MRPS18B: variants seen among roughly 807,000 people sequenced by gnomAD.
The protein encoded by MRPS18B is mitochondrial ribosomal protein S18B.
A neutral mutation model predicts 28.4 loss-of-function variants in MRPS18B; 27 were observed. The ratio of observed to expected loss-of-function variants is 0.95; its 90% CI spans 0.70 to 1.31. The LOEUF is 1.31. MRPS18B is among the 40% of genes most tolerant of loss of function. The pLI, the probability that MRPS18B is intolerant of heterozygous loss-of-function variation, is 0.00. For synonymous variants in MRPS18B, 118 were observed against 123.7 expected (o/e 0.95, Z 0.30); for missense variants, 343 against 335.9 (o/e 1.02, Z -0.17).
At chr6:30,620,717 G>C (rs903466551) in intron 4 of MRPS18B, among the ~76,000 whole-genome samples, 4 of 152,008 alleles carry the variant, frequency 2.6e-5, no homozygotes, top group African/African-American at 7.2e-5. Flanking sequence ...CTACAGGCTT[G>C]TGCCACCAAG....
At chr6:30,621,999 AT>A (rs1165380830) in intron 4 of MRPS18B, among the ~76,000 whole-genome samples, 1 of 151,762 alleles carries the variant, frequency 6.6e-6, no homozygotes, top group Non-Finnish European at 1.5e-5. Flanking sequence ...AGAGAGAGAA[AT>A]GTTACAAATT....
At chr6:30,621,658 T>G (rs2127465624) in intron 4 of MRPS18B, among the ~76,000 whole-genome samples, 1 of 152,182 alleles carries the variant, frequency 6.6e-6, no homozygotes, top group East Asian at 1.9e-4. Flanking sequence ...TAAAAAGAGA[T>G]TATGGCCAGG....
intron 5 of MRPS18B, 30 bp downstream of exon 5, chr6:30,622,928 A>G: frequency 6.2e-7 from 1 of 1,605,498 alleles, no homozygotes; most frequent in Non-Finnish European, 8.5e-7. Context: ...ACCACCAGAG[A>G]GCTTTTCCTT....
At chr6:30,620,696 A>C (rs1761104077) in intron 4 of MRPS18B, among the ~76,000 whole-genome samples, 1 of 152,066 alleles carries the variant, frequency 6.6e-6, no homozygotes, top group African/African-American at 2.4e-5. Flanking sequence ...CAGCCTCCCA[A>C]GTAGCTGTAA....
intron 1 of MRPS18B, among the ~76,000 whole-genome samples, chr6:30,618,384 A>C (rs1326183252): frequency 6.6e-6 from 1 of 152,176 alleles, no homozygotes; most frequent in Non-Finnish European, 1.5e-5. Context: ...TCCTTGGGGA[A>C]ATTAGGGATC....
intron 5 of MRPS18B, 116 bp from the exon 6 acceptor site, chr6:30,624,767 A>G: frequency 1.8e-6 from 2 of 1,112,466 alleles, no homozygotes; most frequent in Non-Finnish European, 2.6e-6. Flanking sequence ...GGTCAGGGGA[A>G]AGGGGTCATT....
chr6:30,620,804 G>C (rs1357003949), intron 4 of MRPS18B, among the ~76,000 whole-genome samples: 2 of 151,958 alleles, frequency 1.3e-5, no homozygotes, highest in African/African-American at 2.4e-5. Context: ...TCCTGACCTT[G>C]TGACCCACCC....
intron 4 of MRPS18B, among the ~76,000 whole-genome samples, chr6:30,621,318 C>T (rs187595468): frequency 0.044 from 6,730 of 152,254 alleles, 262 homozygotes; most frequent in African/African-American, 0.11. Context: ...AGGAGAATTG[C>T]TTGAACCCGG....
intron 6 of MRPS18B, 118 bp from the exon 7 acceptor site, chr6:30,625,384 A>C (rs757771360): frequency 2.9e-6 from 3 of 1,029,440 alleles, no homozygotes; most frequent in Non-Finnish European, 4.3e-6. Flanking sequence ...AGTATACAAC[A>C]TGCATAAATG....
intron 4 of MRPS18B, among the ~76,000 whole-genome samples, chr6:30,620,988 T>G (rs896058610): frequency 3.3e-5 from 5 of 152,250 alleles, no homozygotes; most frequent in Non-Finnish European, 7.3e-5. Flanking sequence ...TCCTTGTCAA[T>G]GTTCAGTGCC....
At chr6:30,623,429 C>T (rs1761294914) in intron 5 of MRPS18B, among the ~76,000 whole-genome samples, 1 of 152,110 alleles carries the variant, frequency 6.6e-6, no homozygotes, top group Non-Finnish European at 1.5e-5. Flanking sequence ...TAATTCCTTT[C>T]TATAGGGTCT....
chr6:30,625,857 T>TGGCTTCCCAAAGTGC lies in MRPS18B; in HGVS notation c.*60_*61insGGCTTCCCAAAGTGC. 6.6e-7 allele frequency: 1 copy of TGGCTTCCCAAAGTGC among 1,520,000 alleles called. No individual in the cohort carries two copies. The highest frequency in any genetic ancestry group is 8.9e-7 in the Non-Finnish European group (1 of 1,119,466). 94.2% of individuals were successfully genotyped at this position (1,520,000 alleles called of 1,614,324 possible). A position where few individuals can be genotyped will look rare whatever the true frequency, so the allele number is the denominator to read the frequency against. On this transcript the variant is annotated 3_prime_UTR_variant, in exon 7 of 7. Transcript: ENST00000259873. ...GGCTCACTCCTGTAATCCCAGCACT[T>TGGCTTCCCAAAGTGC]TGGGAAGCCAAGGTGGGCTGATCAC...
At position 30,617,898 on chromosome 6, in the gene MRPS18B, G is replaced by T; in HGVS notation, c.33G>T (p.Arg11Ser). MAASVLNTVL[R>S]RLPMLSLFRG... ...CGTCTGTATTAAACACCGTGCTGAGGCGGCTTCCTATGCTATCTCTCTTCC... is the reference window on the plus strand; with the variant it reads ...CGTCTGTATTAAACACCGTGCTGAGTCGGCTTCCTATGCTATCTCTCTTCC... The change falls in exon 1 of 7, where the codon AGG (arginine) becomes AGT (serine). Residue 11 changes from arginine to serine, a missense_variant. Coordinates refer to ENST00000259873, the MANE Select transcript of MRPS18B (RefSeq NM_014046.4). 6.2e-7 allele frequency: 1 copy of T among 1,614,188 alleles called. No homozygotes were observed. Among genetic ancestry groups the T allele is most frequent in the Non-Finnish European group, 8.5e-7 (1 of 1,180,030 alleles).
At position 30,619,669 on chromosome 6, in the gene MRPS18B, A is replaced by C. The variant is rs1264833267; in HGVS notation, c.188-40A>C. 5 of 1,610,144 alleles carry C rather than the reference A, an allele frequency of 3.1e-6. No homozygotes were observed. The South Asian group carries it at 4.4e-5, about 14-fold the overall frequency. On this transcript the variant is annotated intron_variant, in intron 2 of 6. Coordinates refer to ENST00000259873, the MANE Select transcript of MRPS18B (RefSeq NM_014046.4). Reference sequence around the variant, plus strand: ...ATAAGTGGACAGAGCCACCCACTACACTCCCACCCAGGAATAACTTGTATG... The same window carrying C: ...ATAAGTGGACAGAGCCACCCACTACCCTCCCACCCAGGAATAACTTGTATG...
chr6:30,620,086 G>A (rs957601963), intron 4 of MRPS18B, 97 bp downstream of exon 4: 21 of 1,150,440 alleles, frequency 1.8e-5, no homozygotes, highest in South Asian at 1.1e-4. Flanking sequence ...GGGAGGCCAA[G>A]GCAGGTGGAT....
chr6:30,621,798 T>A (rs2127465786), intron 4 of MRPS18B, among the ~76,000 whole-genome samples: 1 of 152,018 alleles, frequency 6.6e-6, no homozygotes, highest in South Asian at 2.1e-4. Flanking sequence ...ACAAAAAAAA[T>A]TAGCTGGGTG....
Position 30,625,545 on chromosome 6 carries a change from T to C in MRPS18B, c.525T>C (p.Leu175=). 6.3e-7 allele frequency: 1 copy of C among 1,587,238 alleles called. No homozygotes were observed. The highest frequency in any genetic ancestry group is 1.1e-5 in the South Asian group (1 of 90,248). The change falls in exon 7 of 7, where the codon CTT becomes CTC. Residue 175 remains leucine (L), a synonymous_variant. Transcript: ENST00000259873. ...YHIPQVEPRD[L]DFSTSHGAVS... is the part of the protein sequence containing the mutation. ...TCCCCCAGGTTGAACCACGGGACCT[T>C]GACTTCAGTACCTCTCATGGGGCTG...
Position 30,619,362 on chromosome 6 carries a change from C to T in MRPS18B, c.79-131C>T, listed in dbSNP as rs562376132. The T allele has an allele frequency of 1.5e-4, 103 of 671,510 alleles. No individual in the cohort carries two copies. In the East Asian group the frequency reaches 2.6e-3, roughly 17 times the overall value. 41.6% of individuals were successfully genotyped at this position (671,510 alleles called of 1,614,324 possible). On this transcript the variant is annotated intron_variant, in intron 1 of 6. Coordinates refer to ENST00000259873, the MANE Select transcript of MRPS18B (RefSeq NM_014046.4). Reference sequence around the variant, plus strand: ...ATTTAAACCCAACAAAAATACTTAACTTACATATGCATTCCTGTTATATTC... The same window carrying T: ...ATTTAAACCCAACAAAAATACTTAATTTACATATGCATTCCTGTTATATTC...
intron 4 of MRPS18B, among the ~76,000 whole-genome samples, chr6:30,622,561 C>CA (rs554297101): frequency 0.083 from 2,336 of 28,206 alleles, 279 homozygotes; most frequent in African/African-American, 0.13. Flanking sequence ...GACTCTGTCT[C>CA]AAAAAAAAAA....
Sources: allele counts gnomAD v4.1 joint callset (sites outside exome capture counted in the v4.1 genomes callset), GRCh38; gene constraint gnomAD v4.1.1; transcripts MANE v1.5; gene names NCBI Gene and HGNC (gene_info 2026-07-23, HGNC 2026-07-21).